The following COQ8A variants were observed in gnomAD, a reference collection of about 807,000 sequenced individuals.
COQ8A encodes the protein atypical kinase COQ8A, mitochondrial.
Under a neutral mutation model 65.0 loss-of-function variants are expected in COQ8A, and 51 were observed. The observed-to-expected ratio is 0.78, with a 90% CI of 0.63 to 0.99. The LOEUF (loss-of-function observed/expected upper bound fraction) is 0.99. Ranked by LOEUF, COQ8A falls within the 50% of genes least tolerant of loss-of-function variation. The pLI, the probability that COQ8A is intolerant of heterozygous loss-of-function variation, is 0.00. For synonymous variants in COQ8A, 371 were observed against 353.2 expected (o/e 1.05, Z -0.57); for missense variants, 940 against 875.0 (o/e 1.07, Z -0.94).
intron 1 of COQ8A, among the ~76,000 whole-genome samples, chr1:226,944,002 C>G (rs1008515978): frequency 6.6e-6 from 1 of 151,950 alleles, no homozygotes; most frequent in African/African-American, 2.4e-5. Context: ...ACCCCAGGAG[C>G]CAGTGCAGAT....
rs777617096 is a variant in COQ8A at position 226,977,573 on chromosome 1, G to T, written c.730+50G>T. The T allele has an allele frequency of 4.6e-6, 7 of 1,530,328 alleles. No individual in the cohort carries two copies. In the South Asian group the frequency reaches 8.4e-5, roughly 18 times the overall value. 94.8% of individuals were successfully genotyped at this position (1,530,328 alleles called of 1,614,324 possible). A position where few individuals can be genotyped will look rare whatever the true frequency, so the allele number is the denominator to read the frequency against. On this transcript the variant is annotated intron_variant, in intron 5 of 14. Transcript: ENST00000366777. ...GGGCAGGGTGGGCCCCGGGAGGGTT[G>T]AGCCTGTCAGCCCCCAGCCCCACCT...
chr1:226,984,755 G>C, intron 12 of COQ8A, 100 bp downstream of exon 12: 1 of 1,494,624 alleles, frequency 6.7e-7, no homozygotes, highest in Non-Finnish European at 9.3e-7. Flanking sequence ...AAAGTCAGCA[G>C]AGAGCTCAGG....
At chr1:226,952,169 C>T (rs183194137) in intron 1 of COQ8A, among the ~76,000 whole-genome samples, 16 of 152,262 alleles carry the variant, frequency 1.1e-4, no homozygotes, top group Non-Finnish European at 1.8e-4. Flanking sequence ...GCAGTTGAGC[C>T]TCTCTCTCCA....
chr1:226,984,625 C>G lies in COQ8A; in HGVS notation c.1476C>G (p.Ser492=), dbSNP rs1225518969. The change falls in exon 12 of 15, where the codon TCC becomes TCG. Residue 492 remains serine (S), a synonymous_variant. Coordinates refer to ENST00000366777, the MANE Select transcript of COQ8A (RefSeq NM_020247.5). The part of the protein sequence containing the change: ...FHFMQTDPNW[S]NFFYDPQQHK... ...TCATGCAAACAGACCCCAACTGGTC[C>G]AACTTCTTCTATGACCCCCAGCAGC... The G allele has an allele frequency of 9.9e-6, 16 of 1,614,170 alleles. No individual in the cohort carries two copies. Among genetic ancestry groups the G allele is most frequent in the Non-Finnish European group, 1.3e-5 (15 of 1,180,010 alleles).
chr1:226,948,066 G>T (rs995886350), intron 1 of COQ8A, among the ~76,000 whole-genome samples: 8 of 152,190 alleles, frequency 5.3e-5, no homozygotes, highest in Admixed American at 5.2e-4. Flanking sequence ...TATGGCTGTT[G>T]TGATAAATTA....
intron 8 of COQ8A, 153 bp from the exon 9 acceptor site, chr1:226,983,399 C>T (rs541775659): frequency 7.7e-5 from 59 of 766,170 alleles, no homozygotes; most frequent in Admixed American, 5.9e-4. Flanking sequence ...GTCCAGGTCA[C>T]GGCAGCATGG....
At position 226,984,630 on chromosome 1, in the gene COQ8A, T is replaced by C; in HGVS notation, c.1481T>C (p.Phe494Ser). Residue 494 changes from phenylalanine to serine, a missense_variant, in exon 12 of 15, where the codon TTC becomes TCC. Phe to Ser is a radical substitution (Grantham distance 155). Transcript: ENST00000366777. ...CAAACAGACCCCAACTGGTCCAACT[T>C]CTTCTATGACCCCCAGCAGCACAAG... Reference protein sequence around the residue: ...FMQTDPNWSNFFYDPQQHKVA... With the variant: ...FMQTDPNWSNSFYDPQQHKVA... 6.2e-7 allele frequency: 1 copy of C among 1,614,098 alleles called. No individual in the cohort carries two copies. Among genetic ancestry groups the C allele is most frequent in the Non-Finnish European group, 8.5e-7 (1 of 1,179,970 alleles).
In COQ8A at chr1:226,985,248, C is replaced by A; in HGVS notation, c.1573-6C>A. The stretch of plus-strand genomic sequence containing the variant: ...GCCCACGGTCCCCTCCTGTGCCTCT[C>A]CCCAGATCATCAGGGCTGCTGCCGA... On this transcript the variant is annotated splice_polypyrimidine_tract_variant and splice_region_variant and intron_variant, in intron 13 of 14. Transcript: ENST00000366777. 1 of 1,613,260 alleles carries A rather than the reference C, an allele frequency of 6.2e-7. No homozygotes were observed. The highest frequency in any genetic ancestry group is 8.5e-7 in the Non-Finnish European group (1 of 1,179,942).
At chr1:226,948,846 A>C in intron 1 of COQ8A, among the ~76,000 whole-genome samples, 1 of 152,224 alleles carries the variant, frequency 6.6e-6, no homozygotes, top group Non-Finnish European at 1.5e-5. Flanking sequence ...GGAGAACGTA[A>C]ATATGGAAGA....
intron 2 of COQ8A, among the ~76,000 whole-genome samples, chr1:226,964,114 T>G (rs892156924): frequency 6.6e-6 from 1 of 152,238 alleles, no homozygotes; most frequent in African/African-American, 2.4e-5. Flanking sequence ...AACGTGAGGC[T>G]TGGGTATCCT....
At chr1:226,970,363 C>T (rs938937686) in intron 4 of COQ8A, among the ~76,000 whole-genome samples, 1 of 152,236 alleles carries the variant, frequency 6.6e-6, no homozygotes, top group African/African-American at 2.4e-5. Flanking sequence ...GTATAGCCTG[C>T]TACATGCCTA....
chr1:226,970,241 C>T (rs12407185), intron 4 of COQ8A, among the ~76,000 whole-genome samples: 6,344 of 152,348 alleles, frequency 0.042, 201 homozygotes, highest in Middle Eastern at 0.075. Flanking sequence ...GCATGAGCCA[C>T]CGCACCTGGC....
intron 4 of COQ8A, among the ~76,000 whole-genome samples, chr1:226,968,472 A>C (rs1312852297): frequency 6.6e-6 from 1 of 152,240 alleles, no homozygotes; most frequent in African/African-American, 2.4e-5. Flanking sequence ...TCTTCACTAC[A>C]ATGTGAAATA....
At chr1:226,960,792 G>C (rs967010307) in intron 1 of COQ8A, among the ~76,000 whole-genome samples, 1 of 152,106 alleles carries the variant, frequency 6.6e-6, no homozygotes, top group Non-Finnish European at 1.5e-5. Flanking sequence ...TGAGGGGTCA[G>C]GGAGGGGCTC....
chr1:226,945,085 C>T (rs1465611680), intron 1 of COQ8A, among the ~76,000 whole-genome samples: 3 of 152,210 alleles, frequency 2.0e-5, no homozygotes, highest in African/African-American at 7.2e-5. Context: ...GCTTTCAGAA[C>T]AGCCCTGTGT....
intron 1 of COQ8A, among the ~76,000 whole-genome samples, 192 bp from the exon 2 acceptor site, chr1:226,961,184 TC>T (rs887879820): frequency 6.6e-6 from 1 of 152,144 alleles, no homozygotes; most frequent in African/African-American, 2.4e-5. Context: ...TCTGCTCCAT[TC>T]CCCTGGAGTG....
intron 5 of COQ8A, among the ~76,000 whole-genome samples, chr1:226,978,035 T>TAA (rs1272601850): frequency 3.6e-5 from 3 of 84,178 alleles, no homozygotes; most frequent in Admixed American, 2.6e-4. Flanking sequence ...CCACAGACCT[T>TAA]ACACACCCCT....
chr1:226,965,343 C>T lies in COQ8A; in HGVS notation c.521C>T (p.Thr174Ile), dbSNP rs181579601. The change falls in exon 3 of 15, where the codon ACA becomes ATA. Residue 174 changes from threonine (T) to isoleucine (I), a missense_variant. By Grantham distance (89) the Thr-to-Ile change is moderately conservative. Coordinates refer to ENST00000366777, the MANE Select transcript of COQ8A (RefSeq NM_020247.5). ...GACCAATCCCCTGTTGGGGGCCTCACAGCCGAGGACATTGAGAAGGCCCGG... is the reference window on the plus strand; with the variant it reads ...GACCAATCCCCTGTTGGGGGCCTCATAGCCGAGGACATTGAGAAGGCCCGG... ...HQDQSPVGGL[T>I]AEDIEKARQA... 17 of 1,613,130 alleles carry T rather than the reference C, an allele frequency of 1.1e-5. No individual in the cohort carries two copies. In the African/African-American group the frequency reaches 2.1e-4, roughly 20 times the overall value.
chr1:226,982,087 TGCGCACGCTCTGCAAGGTGCGTGGTGC>T lies in COQ8A; in HGVS notation c.793_819del (p.Arg265_Ala273del), dbSNP rs768907777. The T allele has an allele frequency of 1.2e-6, 2 of 1,612,478 alleles. No individual in the cohort carries two copies. The highest frequency in any genetic ancestry group is 2.2e-5 in the South Asian group (2 of 91,010). On this transcript the variant is annotated inframe_deletion, in exon 6 of 15. Coordinates refer to ENST00000366777, the MANE Select transcript of COQ8A (RefSeq NM_020247.5). ...TCCGAGGCCAATGCAGAGCGGATCG[TGCGCACGCTCTGCAAGGTGCGTGGTGC>T]GGCACTCAAGCTGGGCCAGATGCTG...
Sources: allele counts gnomAD v4.1 joint callset (sites outside exome capture counted in the v4.1 genomes callset), GRCh38; gene constraint gnomAD v4.1.1; transcripts MANE v1.5; gene names NCBI Gene and HGNC (gene_info 2026-07-23, HGNC 2026-07-21).